Variants in ZNF462 observed in about 807,000 individuals in gnomAD.
ZNF462 encodes the protein zinc finger PBX1-interacting protein.
ZNF462 carries 10 observed loss-of-function variants against 201.9 expected under a neutral mutation model. The observed-to-expected ratio is 0.05, with a 90% CI of 0.03 to 0.08. The LOEUF is 0.08. ZNF462 is among the 10% of genes least tolerant of loss of function. The pLI is 1.00. For missense variants in ZNF462, 2,523 were observed against 3,168.3 expected, an observed-to-expected ratio of 0.80 and a Z score of 4.89; for synonymous variants, 1,227 against 1,193.3, an observed-to-expected ratio of 1.03 and a Z score of -0.58.
intron 1 of ZNF462, among the ~76,000 whole-genome samples, chr9:106,879,336 C>CT (rs1008325280): frequency 2.9e-5 from 3 of 104,448 alleles, no homozygotes; most frequent in Admixed American, 1.2e-4. Context: ...CTTTCCACCC[C>CT]CCCCCCCACC....
intron 11 of ZNF462, among the ~76,000 whole-genome samples, chr9:107,007,940 A>T (rs1829675185): frequency 6.6e-6 from 1 of 152,070 alleles, no homozygotes; most frequent in Non-Finnish European, 1.5e-5. Context: ...GGCAATTTAG[A>T]CTTTTATCAG....
intron 1 of ZNF462, among the ~76,000 whole-genome samples, chr9:106,916,069 T>C (rs1419560565): frequency 6.6e-6 from 1 of 151,978 alleles, no homozygotes; most frequent in East Asian, 1.9e-4. Context: ...TTCCCCCAGA[T>C]AAAAGAAGTT....
At chr9:106,989,774 G>C in intron 10 of ZNF462, among the ~76,000 whole-genome samples, 1 of 152,170 alleles carries the variant, frequency 6.6e-6, no homozygotes, top group African/African-American at 2.4e-5. Context: ...TACGAGGGTT[G>C]TATTTTTCCA....
chr9:106,956,727 G>A (rs1831592407), intron 7 of ZNF462, among the ~76,000 whole-genome samples: 2 of 152,138 alleles, frequency 1.3e-5, no homozygotes, highest in Admixed American at 6.6e-5. Flanking sequence ...CAGCTTCTAC[G>A]TCAGCACTTG....
chr9:106,890,352 C>T lies in ZNF462; in HGVS notation c.-31+26997C>T, dbSNP rs1273341485. ...TGCCCCTTCCGGGAACACTGGTGAT[C>T]TTCTGGTCTCTTGGTTTGGAGTTAA... On this transcript the variant is annotated intron_variant, in intron 1 of 12. Coordinates refer to ENST00000277225, the MANE Select transcript of ZNF462 (RefSeq NM_021224.6). The surrounding 1 kb of genome is among the most constrained non-coding windows in gnomAD (Gnocchi z 4.2). 2.6e-5 allele frequency among the ~76,000 whole-genome samples: 4 copies of T among 152,222 alleles called. No homozygotes were observed. The highest frequency in any genetic ancestry group is 9.6e-5 in the African/African-American group (4 of 41,456).
chr9:106,932,427 A>T lies in ZNF462; in HGVS notation c.6013-19A>T. 1 of 1,614,228 alleles carries T rather than the reference A, an allele frequency of 6.2e-7. No homozygotes were observed. The highest frequency in any genetic ancestry group is 2.2e-5 in the East Asian group (1 of 44,876). On this transcript the variant is annotated intron_variant, in intron 4 of 12. Transcript: ENST00000277225. This position sits in a 1 kb window ranked among gnomAD's most constrained non-coding sequence, Gnocchi z 6.8. ...GATACCATTGCAGTCAATGTGACAG[A>T]GTCCTGATGTCCATGCAGGGGCTGC...
intron 9 of ZNF462, chr9:106,975,716 C>T (rs1013332209): frequency 2.0e-5 from 3 of 152,198 alleles, no homozygotes; most frequent in Non-Finnish European, 4.4e-5. Flanking sequence ...GGGCTGCTGC[C>T]GAGCAGACAT....
Position 106,927,999 on chromosome 9 carries a change from C to A in ZNF462, c.4087C>A (p.Pro1363Thr). The A allele has an allele frequency of 6.2e-7, 1 of 1,614,164 alleles. No individual in the cohort carries two copies. Reference sequence around the variant, plus strand: ...CCCATCCCCTCCCTCTCTCACAATGCCAGCCGAAGCCAAAACCTACAGATG... The same window carrying A: ...CCCATCCCCTCCCTCTCTCACAATGACAGCCGAAGCCAAAACCTACAGATG... ...PDPSPPSLTM[P>T]AEAKTYRCRD... is the part of the protein sequence containing the mutation. The change falls in exon 3 of 13, where the codon CCA becomes ACA. Residue 1363 changes from proline to threonine, a missense_variant. Physicochemically the swap from Pro to Thr is conservative, Grantham distance 38. Coordinates refer to ENST00000277225, the MANE Select transcript of ZNF462 (RefSeq NM_021224.6).
At chr9:106,945,403 C>CAT (rs891033774) in intron 7 of ZNF462, among the ~76,000 whole-genome samples, 2 of 152,126 alleles carry the variant, frequency 1.3e-5, no homozygotes, top group Non-Finnish European at 2.9e-5. Context: ...ATAGGTCAGA[C>CAT]ATAAAATTCA....
At position 106,883,506 on chromosome 9, in the gene ZNF462, C is replaced by T. The variant is rs1314906933; in HGVS notation, c.-31+20151C>T. On this transcript the variant is annotated intron_variant, in intron 1 of 12. Transcript: ENST00000277225. This position sits in a 1 kb window ranked among gnomAD's most constrained non-coding sequence, Gnocchi z 4.9. ...TTCATTCTAAGGAGTTGCATTTTCC[C>T]CAGAATACCGTATACATAAGGCCTG... is the stretch of plus-strand genomic sequence containing the variant. Among the ~76,000 whole-genome samples the T allele has an allele frequency of 2.6e-5, 4 of 152,078 alleles. 1 individual carries two copies. The East Asian group carries it at 7.7e-4, about 29-fold the overall frequency.
intron 10 of ZNF462, among the ~76,000 whole-genome samples, chr9:106,990,179 A>T (rs538285603): frequency 6.6e-6 from 1 of 152,088 alleles, no homozygotes; most frequent in Non-Finnish European, 1.5e-5. Flanking sequence ...TTTTTGACCC[A>T]ATGCTCATTC....
chr9:106,901,182 C>A (rs1829049514), intron 1 of ZNF462, among the ~76,000 whole-genome samples: 1 of 152,054 alleles, frequency 6.6e-6, no homozygotes, highest in South Asian at 2.1e-4. Context: ...ATGTTCTTTC[C>A]CCACTTTATG....
At chr9:106,894,261 G>A (rs561858373) in intron 1 of ZNF462, among the ~76,000 whole-genome samples, 4 of 152,284 alleles carry the variant, frequency 2.6e-5, no homozygotes, top group East Asian at 1.9e-4. Context: ...TTGGCTGAAG[G>A]TTTTTTTGAG....
chr9:106,941,912 G>A (rs1208487746), intron 7 of ZNF462, among the ~76,000 whole-genome samples: 2 of 152,220 alleles, frequency 1.3e-5, no homozygotes. Flanking sequence ...CAGCTGTGGG[G>A]CTAGATAGTA....
In ZNF462 at chr9:106,933,118, G is replaced by A. The variant is rs1302030877; in HGVS notation, c.6116+569G>A. ...TGGAATAGGTGTGTAAGGCTTTTTG[G>A]GGCCATGGAAAGAGGGGTGGTTTTA... is the stretch of plus-strand genomic sequence containing the variant. On this transcript the variant is annotated intron_variant, in intron 5 of 12. Coordinates refer to ENST00000277225, the MANE Select transcript of ZNF462 (RefSeq NM_021224.6). This position sits in a 1 kb window ranked among gnomAD's most constrained non-coding sequence, Gnocchi z 4.3. 1 of 156,896 alleles carries A rather than the reference G, an allele frequency of 6.4e-6. No individual in the cohort carries two copies. Among genetic ancestry groups the A allele is most frequent in the African/African-American group, 2.4e-5 (1 of 41,426 alleles). The allele number at this position is 156,896 out of a possible 1,614,324, so 9.7% of individuals were successfully genotyped here.
chr9:106,983,294 T>C (rs1445786418), intron 9 of ZNF462, among the ~76,000 whole-genome samples: 1 of 152,160 alleles, frequency 6.6e-6, no homozygotes, highest in African/African-American at 2.4e-5. Context: ...CTCTCTTTTA[T>C]TTTTTCCCTC....
intron 7 of ZNF462, among the ~76,000 whole-genome samples, chr9:106,949,071 A>G (rs1564126196): frequency 6.6e-6 from 1 of 152,226 alleles, no homozygotes; most frequent in Non-Finnish European, 1.5e-5. Flanking sequence ...AATCAAGATT[A>G]CAGACTGCCT....
chr9:106,999,763 A>T (rs1876985), intron 10 of ZNF462, among the ~76,000 whole-genome samples: 2 of 152,034 alleles, frequency 1.3e-5, no homozygotes, highest in African/African-American at 4.8e-5. Flanking sequence ...TATTTTCATA[A>T]ATTTTTTGTG....
chr9:106,922,210 G>A (rs1830019735), intron 1 of ZNF462, among the ~76,000 whole-genome samples: 1 of 152,190 alleles, frequency 6.6e-6, no homozygotes, highest in Non-Finnish European at 1.5e-5. Context: ...AGATTACAGT[G>A]ACTCAGTAGA....
Sources: gnomAD v4.1 joint callset for allele counts (sites outside exome capture counted in the v4.1 genomes callset) on GRCh38, gnomAD v4.1.1 for gene constraint, Gnocchi (gnomAD v3.1) non-coding constraint, MANE v1.5 for transcripts, NCBI Gene and HGNC (gene_info 2026-07-23, HGNC 2026-07-21) for gene names.